Variants in CPVL observed in about 807,000 individuals in gnomAD.
CPVL encodes probable serine carboxypeptidase CPVL.
A neutral mutation model predicts 63.7 loss-of-function variants in CPVL; 51 were observed. The observed-to-expected ratio is 0.80, with a 90% CI of 0.64 to 1.01. CPVL has a LOEUF of 1.01. Among genes scored for constraint, CPVL ranks in the 50% least tolerant of loss-of-function variants. The probability of loss-of-function intolerance (pLI) is 0.00; values close to 1 mark genes in which losing one functional copy is unlikely to be tolerated. For missense variants in CPVL, 530 were observed against 573.1 expected (o/e 0.92, Z 0.77); for synonymous variants, 195 against 206.0 (o/e 0.95, Z 0.46).
At chr7:29,186,521 G>A (rs1013496773) in exon 2 of CPVL, 4 of 151,858 alleles carry the variant, frequency 2.6e-5, no homozygotes, top group Non-Finnish European at 5.9e-5. Flanking sequence ...GTAGCAGTGA[G>A]CTGTGATCGT....
chr7:29,040,937 G>A lies in CPVL; in HGVS notation c.1138-10178C>T, dbSNP rs145437925. 5.1e-4 allele frequency among the ~76,000 whole-genome samples: 78 copies of A among 152,086 alleles called. 1 individual carries two copies. In the East Asian group the frequency reaches 5.8e-3, roughly 11 times the overall value. Reference sequence around the variant, plus strand: ...TCTTTGGAAAAAAGCTCCCTACCTAGAACAGCACACTTAAACGACTTTTAA... The same window carrying A: ...TCTTTGGAAAAAAGCTCCCTACCTAAAACAGCACACTTAAACGACTTTTAA... On this transcript the variant is annotated intron_variant, in intron 11 of 12. Transcript: ENST00000265394.
intron 7 of CPVL, among the ~76,000 whole-genome samples, chr7:29,082,999 T>C (rs1464687316): frequency 1.3e-5 from 2 of 152,180 alleles, no homozygotes; most frequent in African/African-American, 4.8e-5. Context: ...TTCACTTCCC[T>C]AACCTGGCTC....
chr7:29,141,587 C>A (rs1281748285), intron 1 of CPVL, among the ~76,000 whole-genome samples: 1 of 151,458 alleles, frequency 6.6e-6, no homozygotes, highest in Non-Finnish European at 1.5e-5. Context: ...CAAAGTATGC[C>A]TTCACAGCTT....
At chr7:29,149,589 G>C (rs1425679073), upstream of CPVL, among the ~76,000 whole-genome samples, 1 of 152,200 alleles carries the variant, frequency 6.6e-6, no homozygotes, top group East Asian at 1.9e-4. Context: ...TTTCCAGGGA[G>C]GTTGTAACTG....
At chr7:29,184,641 C>CA (rs1798485982) in intron 3 of CPVL, 1 of 152,300 alleles carries the variant, frequency 6.6e-6, no homozygotes, top group Middle Eastern at 3.4e-3. Context: ...CTGTTTTCTC[C>CA]AGGCCTTCAA....
chr7:29,139,469 G>C (rs968267454), intron 1 of CPVL, among the ~76,000 whole-genome samples: 3 of 141,570 alleles, frequency 2.1e-5, no homozygotes, highest in Non-Finnish European at 4.5e-5. Context: ...TAGGTGCCCT[G>C]AACCTACACA....
intron 1 of CPVL, among the ~76,000 whole-genome samples, chr7:29,139,533 G>C (rs189302885): frequency 0.014 from 2,068 of 151,984 alleles, 50 homozygotes; most frequent in African/African-American, 0.047. Context: ...GCTATTCTTG[G>C]GGGGGCAGGG....
chr7:29,128,317 TGG>T (rs1790290428), intron 1 of CPVL: 1 of 152,172 alleles, frequency 6.6e-6, no homozygotes, highest in Admixed American at 6.5e-5. Context: ...AAATCTGATT[TGG>T]GGATACCCAT....
At chr7:29,076,254 T>C (rs951527609) in intron 7 of CPVL, among the ~76,000 whole-genome samples, 5 of 152,190 alleles carry the variant, frequency 3.3e-5, no homozygotes, top group African/African-American at 1.2e-4. Context: ...TGAGTTCTAA[T>C]GAAAACAGCA....
chr7:29,040,229 A>C (rs552940728), intron 11 of CPVL, among the ~76,000 whole-genome samples: 1 of 152,182 alleles, frequency 6.6e-6, no homozygotes, highest in Admixed American at 6.5e-5. Context: ...TTTGGACTGA[A>C]GCAATTAGCA....
chr7:29,097,437 G>A (rs1786552907), intron 3 of CPVL, among the ~76,000 whole-genome samples: 1 of 152,240 alleles, frequency 6.6e-6, no homozygotes, highest in Admixed American at 6.5e-5. Flanking sequence ...ACTCATGCCT[G>A]TAATCCCAGC....
chr7:29,147,102 C>A, upstream of CPVL: 1 of 1,132,272 alleles, frequency 8.8e-7, no homozygotes, highest in Non-Finnish European at 1.2e-6. Context: ...TTAAGTAACC[C>A]ATCCAGGGTC....
chr7:29,019,834 G>T (rs1584004016), intron 12 of CPVL, among the ~76,000 whole-genome samples: 4 of 152,164 alleles, frequency 2.6e-5, no homozygotes, highest in Non-Finnish European at 5.9e-5. Flanking sequence ...AGGCACTAAG[G>T]GGGAAGGATC....
intron 3 of CPVL, among the ~76,000 whole-genome samples, chr7:29,109,940 C>T (rs1426294581): frequency 6.6e-6 from 1 of 152,208 alleles, no homozygotes; most frequent in Non-Finnish European, 1.5e-5. Context: ...AGCATGCAAA[C>T]TAAATTCCTT....
chr7:29,058,697 A>T (rs989973910), intron 11 of CPVL, among the ~76,000 whole-genome samples: 2 of 152,062 alleles, frequency 1.3e-5, no homozygotes, highest in Admixed American at 1.3e-4. Context: ...TATTCTCTCA[A>T]CACTTTAAAT....
chr7:29,054,537 T>C (rs1023050496), intron 11 of CPVL, among the ~76,000 whole-genome samples: 2 of 152,190 alleles, frequency 1.3e-5, no homozygotes, highest in African/African-American at 4.8e-5. Flanking sequence ...TTTTAAAACA[T>C]TCTCTTTGCT....
At chr7:29,022,525 C>A (rs1584014268) in intron 12 of CPVL, among the ~76,000 whole-genome samples, 1 of 152,354 alleles carries the variant, frequency 6.6e-6, no homozygotes, top group East Asian at 1.9e-4. Flanking sequence ...TGCCTCTGCA[C>A]TGCCTTCACC....
At chr7:29,059,056 T>C (rs1791020881) in intron 11 of CPVL, among the ~76,000 whole-genome samples, 1 of 152,138 alleles carries the variant, frequency 6.6e-6, no homozygotes, top group Non-Finnish European at 1.5e-5. Context: ...ACATCTTTTG[T>C]AGTTGTCCCA....
At chr7:29,015,752 T>TCC (rs905236553) in intron 12 of CPVL, among the ~76,000 whole-genome samples, 9 of 152,230 alleles carry the variant, frequency 5.9e-5, no homozygotes, top group African/African-American at 1.9e-4. Flanking sequence ...CCCACTGCAC[T>TCC]CCCCTCACAG....
Sources: allele counts gnomAD v4.1 joint callset (sites outside exome capture counted in the v4.1 genomes callset), GRCh38; gene constraint gnomAD v4.1.1; transcripts MANE v1.5; gene names NCBI Gene and HGNC (gene_info 2026-07-23, HGNC 2026-07-21).